The following RECK variants were observed in gnomAD, a reference collection of about 807,000 sequenced individuals.
RECK encodes reversion-inducing cysteine-rich protein with Kazal motifs.
RECK carries 69 observed loss-of-function variants against 115.1 expected under a neutral mutation model. The observed-to-expected ratio is 0.60, with a 90% CI of 0.49 to 0.73. RECK has a LOEUF of 0.73. Ranked by LOEUF, RECK falls within the 30% of genes least tolerant of loss-of-function variation. The pLI is 0.00. For synonymous variants in RECK, 414 were observed against 419.7 expected, an observed-to-expected ratio of 0.99 and a Z score of 0.17; for missense variants, 1,047 against 1,203.7, an observed-to-expected ratio of 0.87 and a Z score of 1.93.
intron 1 of RECK, among the ~76,000 whole-genome samples, chr9:36,043,310 G>A (rs977624715): frequency 1.3e-5 from 2 of 148,472 alleles, no homozygotes; most frequent in Admixed American, 6.8e-5. Context: ...CCAAAGTGCT[G>A]GGATTACAGG....
At chr9:36,078,949 G>C (rs1312316273) in intron 6 of RECK, among the ~76,000 whole-genome samples, 1 of 152,140 alleles carries the variant, frequency 6.6e-6, no homozygotes, top group Non-Finnish European at 1.5e-5. Flanking sequence ...AGGCTGGAGT[G>C]TAGTGGCATG....
intron 6 of RECK, among the ~76,000 whole-genome samples, chr9:36,077,868 C>T (rs1478673233): frequency 1.3e-5 from 2 of 152,078 alleles, no homozygotes; most frequent in African/African-American, 4.8e-5. Flanking sequence ...ATCATTCACT[C>T]TCTGTTTATT....
intron 1 of RECK, among the ~76,000 whole-genome samples, chr9:36,038,809 A>ACAACAAAAAAAAAAACAAGAAACTT (rs1169866624): frequency 6.7e-6 from 1 of 150,248 alleles, no homozygotes; most frequent in African/African-American, 2.5e-5. Flanking sequence ...AAACAAACAA[A>ACAACAAAAAAAAAAACAAGAAACTT]CAACAAAAAA....
At chr9:36,095,950 CCT>C (rs1823318246) in intron 10 of RECK, among the ~76,000 whole-genome samples, 1 of 150,456 alleles carries the variant, frequency 6.6e-6, no homozygotes, top group Non-Finnish European at 1.5e-5. Context: ...GTGGCGGGCA[CCT>C]GTAAACTTGG....
chr9:36,047,708 A>T (rs796773426), intron 1 of RECK, among the ~76,000 whole-genome samples: 15 of 152,112 alleles, frequency 9.9e-5, no homozygotes, highest in African/African-American at 3.6e-4. Flanking sequence ...TTTCTTCTGA[A>T]ATGTAGTGAA....
chr9:36,106,196 C>G (rs1406577295), intron 13 of RECK, among the ~76,000 whole-genome samples: 1 of 146,044 alleles, frequency 6.8e-6, no homozygotes, highest in Non-Finnish European at 1.5e-5. Flanking sequence ...CCGGACAGAG[C>G]CAGACTCCGT....
At position 36,091,157 on chromosome 9, in the gene RECK, G is replaced by A. The variant is rs1372638522; in HGVS notation, c.906-7G>A. 1 of 1,613,364 alleles carries A rather than the reference G, an allele frequency of 6.2e-7. No homozygotes were observed. Among genetic ancestry groups the A allele is most frequent in the South Asian group, 1.1e-5 (1 of 90,910 alleles). ...TGTCGGCTTCTGCATTTGTGCTCTT[G>A]TTTCAGGGAACTCTGCACTAAACTT... On this transcript the variant is annotated splice_polypyrimidine_tract_variant and splice_region_variant and intron_variant, in intron 9 of 20. Coordinates refer to ENST00000377966, the MANE Select transcript of RECK (RefSeq NM_021111.3).
At chr9:36,103,175 A>C (rs1237765817) in intron 12 of RECK, among the ~76,000 whole-genome samples, 5 of 152,162 alleles carry the variant, frequency 3.3e-5, no homozygotes, top group African/African-American at 1.2e-4. Context: ...CCCAGTAGTT[A>C]AGGGAAGTGT....
intron 10 of RECK, among the ~76,000 whole-genome samples, chr9:36,098,049 A>AG (rs1823422147): frequency 6.6e-6 from 1 of 152,142 alleles, no homozygotes; most frequent in East Asian, 1.9e-4. Context: ...GGAGGAGGAG[A>AG]GAGAAGAGGG....
At chr9:36,083,612 T>C in intron 8 of RECK, 50 bp downstream of exon 8, 1 of 1,564,582 alleles carries the variant, frequency 6.4e-7, no homozygotes, top group South Asian at 1.2e-5. Flanking sequence ...GTAAAATCGT[T>C]TGTAAAAAGA....
chr9:36,072,507 A>T (rs1304065817), intron 6 of RECK, among the ~76,000 whole-genome samples: 1 of 152,200 alleles, frequency 6.6e-6, no homozygotes, highest in Non-Finnish European at 1.5e-5. Flanking sequence ...AGGGATTTTA[A>T]CAAAAGGAAT....
At chr9:36,079,861 T>C (rs1305212022) in intron 6 of RECK, among the ~76,000 whole-genome samples, 1 of 152,200 alleles carries the variant, frequency 6.6e-6, no homozygotes, top group African/African-American at 2.4e-5. Flanking sequence ...TGGGTTTTAT[T>C]TTCTTTACAT....
intron 10 of RECK, among the ~76,000 whole-genome samples, chr9:36,092,542 A>ATTTTTTTTTTTTTTTTTTT (rs71508011): frequency 1.7e-5 from 2 of 117,050 alleles, no homozygotes; most frequent in African/African-American, 3.1e-5. Context: ...CACCCAGCTA[A>ATTTTTTTTTTTTTTTTTTT]TTTTTTTTTT....
intron 20 of RECK, among the ~76,000 whole-genome samples, chr9:36,122,150 G>A (rs1208006139): frequency 1.3e-5 from 2 of 152,196 alleles, no homozygotes; most frequent in Non-Finnish European, 2.9e-5. Context: ...GTGGGCTCTA[G>A]TGTTTCTTTG....
intron 10 of RECK, among the ~76,000 whole-genome samples, chr9:36,092,028 A>G (rs1388610485): frequency 1.3e-5 from 2 of 152,232 alleles, no homozygotes; most frequent in Non-Finnish European, 2.9e-5. Context: ...GGCCAGAAGG[A>G]AGTTCTAGAT....
chr9:36,120,812 T>G (rs1039052270), intron 19 of RECK, 76 bp downstream of exon 19: 1 of 1,001,094 alleles, frequency 1.0e-6, no homozygotes, highest in African/African-American at 1.6e-5. Flanking sequence ...GTAGAATGTG[T>G]TGTCCTCATT....
intron 16 of RECK, 34 bp downstream of exon 16, chr9:36,112,510 A>C: frequency 6.3e-7 from 1 of 1,598,708 alleles, no homozygotes; most frequent in Non-Finnish European, 8.6e-7. Context: ...TATTCAACTG[A>C]AGACTAGTAC....
intron 1 of RECK, among the ~76,000 whole-genome samples, chr9:36,050,712 G>A (rs943072586): frequency 1.3e-4 from 20 of 152,036 alleles, no homozygotes; most frequent in African/African-American, 4.6e-4. Context: ...CTCTCTGATC[G>A]CATTATGTCC....
rs755726385 is a variant in RECK at position 36,037,093 on chromosome 9, G to A, written c.95G>A (p.Ser32Asn). The change falls in exon 1 of 21, where the codon AGT (serine) becomes AAT (asparagine). Residue 32 changes from serine (S) to asparagine (N), a missense_variant. By Grantham distance (46) the Ser-to-Asn change is conservative. Coordinates refer to ENST00000377966, the MANE Select transcript of RECK (RefSeq NM_021111.3). The part of the protein sequence containing the change: ...AEVAGGLAPG[S>N]AGALCCNHSK... ...GTGGCAGGGGGCCTGGCTCCGGGCA[G>A]TGCGGGTGAGTAACCTCCAGAGCAA... The A allele has an allele frequency of 2.2e-6, 3 of 1,337,798 alleles. No homozygotes were observed. The highest frequency in any genetic ancestry group is 3.9e-5 in the South Asian group (2 of 51,914). The allele number at this position is 1,337,798 out of a possible 1,614,324, so 82.9% of individuals were successfully genotyped here. A position where few individuals can be genotyped will look rare whatever the true frequency, so the allele number is the denominator to read the frequency against.
Sources: allele counts gnomAD v4.1 joint callset (sites outside exome capture counted in the v4.1 genomes callset), GRCh38; gene constraint gnomAD v4.1.1; transcripts MANE v1.5; gene names NCBI Gene and HGNC (gene_info 2026-07-23, HGNC 2026-07-21).